FBXO47: variants seen among roughly 807,000 people sequenced by gnomAD.
FBXO47 encodes the protein F-box protein 47.
FBXO47 carries 34 observed loss-of-function variants against 53.9 expected under a neutral mutation model. The ratio of observed to expected loss-of-function variants is 0.63; its 90% confidence interval spans 0.48 to 0.84. FBXO47 has a LOEUF of 0.84. Among genes scored for constraint, FBXO47 ranks in the 40% least tolerant of loss-of-function variants. The probability of loss-of-function intolerance (pLI) is 0.00; values close to 1 mark genes in which losing one functional copy is unlikely to be tolerated. For missense variants in FBXO47, 485 were observed against 541.3 expected, an observed-to-expected ratio of 0.90 and a Z score of 1.03; for synonymous variants, 165 against 181.6, an observed-to-expected ratio of 0.91 and a Z score of 0.73.
In FBXO47 at chr17:38,957,702, T is replaced by C. The variant is rs1378345788; in HGVS notation, c.353-449A>G. 4.7e-5 allele frequency among the ~76,000 whole-genome samples: 7 copies of C among 150,274 alleles called. No individual in the cohort carries two copies. The South Asian group carries it at 1.3e-3, about 27-fold the overall frequency. ...AGAATGAGAAAACTGATTTTTCTTTTTTTTTTTTTTTTTTGAGACAAGGTC... is the reference window on the plus strand; with the variant it reads ...AGAATGAGAAAACTGATTTTTCTTTCTTTTTTTTTTTTTTGAGACAAGGTC... On this transcript the variant is annotated intron_variant, in intron 3 of 10. Coordinates refer to ENST00000378079, the MANE Select transcript of FBXO47 (RefSeq NM_001008777.3).
chr17:38,955,739 C>T (rs1905519841), intron 4 of FBXO47, among the ~76,000 whole-genome samples: 1 of 151,542 alleles, frequency 6.6e-6, no homozygotes, highest in African/African-American at 2.4e-5. Flanking sequence ...GTGGGAGGAT[C>T]ACGAGGTCAG....
intron 3 of FBXO47, among the ~76,000 whole-genome samples, chr17:38,959,542 T>G (rs1028249369): frequency 1.5e-5 from 2 of 137,458 alleles, no homozygotes; most frequent in African/African-American, 5.7e-5. Flanking sequence ...GCTGTGCCAT[T>G]GCACTCCAGT....
At chr17:38,938,776 A>G (rs770620404) in intron 9 of FBXO47, 44 bp from the exon 10 acceptor site, 15 of 1,448,646 alleles carry the variant, frequency 1.0e-5, no homozygotes, top group Non-Finnish European at 1.4e-5. Context: ...ATGTGAAGAA[A>G]GCTATAGAAT....
chr17:38,957,674 GA>G (rs1905617471), intron 3 of FBXO47, among the ~76,000 whole-genome samples: 1 of 149,868 alleles, frequency 6.7e-6, no homozygotes, highest in East Asian at 2.0e-4. Flanking sequence ...CTAAAACATG[GA>G]AAGAATGAGA....
At chr17:38,940,525 C>A (rs975086913) in intron 9 of FBXO47, among the ~76,000 whole-genome samples, 3 of 151,916 alleles carry the variant, frequency 2.0e-5, no homozygotes, top group African/African-American at 7.3e-5. Context: ...TCTAACCTCA[C>A]CTCCTGCTAC....
At chr17:38,945,951 A>G (rs1490238448) in intron 6 of FBXO47, among the ~76,000 whole-genome samples, 3 of 118,840 alleles carry the variant, frequency 2.5e-5, no homozygotes, top group Non-Finnish European at 5.3e-5. Flanking sequence ...AAAAAAAAAT[A>G]TATATATATA....
intron 6 of FBXO47, among the ~76,000 whole-genome samples, chr17:38,949,102 A>C (rs1905075978): frequency 6.6e-6 from 1 of 152,098 alleles, no homozygotes; most frequent in Admixed American, 6.6e-5. Flanking sequence ...TCTTTTGGCT[A>C]CTATGAATAA....
intron 1 of FBXO47, among the ~76,000 whole-genome samples, chr17:38,963,816 T>TG (rs55720457): frequency 2.7e-5 from 4 of 147,062 alleles, no homozygotes; most frequent in Non-Finnish European, 4.5e-5. Flanking sequence ...TTTTTTTTTT[T>TG]GTCAAGGTCT....
At position 38,936,581 on chromosome 17, in the gene FBXO47, G is replaced by C. The variant is rs1001540019; in HGVS notation, c.*594C>G. ...ACCTTAAAGAAGGAAATATATGTCT[G>C]TGTGTGTGTGTCTATATATATATAT... On this transcript the variant is annotated 3_prime_UTR_variant, in exon 11 of 11. Coordinates refer to ENST00000378079, the MANE Select transcript of FBXO47 (RefSeq NM_001008777.3). The C allele has an allele frequency of 1.4e-5, 2 of 146,926 alleles. No homozygotes were observed. Among genetic ancestry groups the C allele is most frequent in the Non-Finnish European group, 3.0e-5 (2 of 66,350 alleles). 9.1% of individuals were successfully genotyped at this position (146,926 alleles called of 1,614,324 possible).
intron 1 of FBXO47, among the ~76,000 whole-genome samples, chr17:38,963,768 T>C (rs563030598): frequency 6.6e-6 from 1 of 151,718 alleles, no homozygotes; most frequent in South Asian, 2.1e-4. Context: ...TTCTTTTCTT[T>C]GTTGGTTTTT....
Position 38,937,305 on chromosome 17 carries a change from T to C in FBXO47, c.1244-15A>G, listed in dbSNP as rs1463959515. ...ATCACGGTCTCCTATATGCCATACATAGTGGGGAAAAGAAAATGACAGTTA... is the reference window on the plus strand; with the variant it reads ...ATCACGGTCTCCTATATGCCATACACAGTGGGGAAAAGAAAATGACAGTTA... On this transcript the variant is annotated splice_polypyrimidine_tract_variant and intron_variant, in intron 10 of 10. Transcript: ENST00000378079. 4 of 1,133,364 alleles carry C rather than the reference T, an allele frequency of 3.5e-6. No homozygotes were observed. The highest frequency in any genetic ancestry group is 5.1e-6 in the Non-Finnish European group (4 of 781,986). The allele number at this position is 1,133,364 out of a possible 1,614,324, so 70.2% of individuals were successfully genotyped here. A position where few individuals can be genotyped will look rare whatever the true frequency, so the allele number is the denominator to read the frequency against.
chr17:38,962,335 G>A (rs1236415389), intron 2 of FBXO47, among the ~76,000 whole-genome samples: 3 of 152,144 alleles, frequency 2.0e-5, no homozygotes, highest in African/African-American at 7.2e-5. Context: ...TTAATTTAGG[G>A]CTAGGTGCAG....
At position 38,936,913 on chromosome 17, in the gene FBXO47, T is replaced by G. The variant is rs1371013586; in HGVS notation, c.*262A>C. On this transcript the variant is annotated 3_prime_UTR_variant, in exon 11 of 11. Coordinates refer to ENST00000378079, the MANE Select transcript of FBXO47 (RefSeq NM_001008777.3). ...GATTCTTGAACAGCTAACATTCTAT[T>G]TTGGTTTGGTGTTAGGTTGACTAAA... The G allele has an allele frequency of 3.5e-6, 1 of 289,130 alleles. No individual in the cohort carries two copies. Among genetic ancestry groups the G allele is most frequent in the African/African-American group, 2.2e-5 (1 of 45,926 alleles). 17.9% of individuals were successfully genotyped at this position (289,130 alleles called of 1,614,324 possible).
intron 1 of FBXO47, among the ~76,000 whole-genome samples, chr17:38,966,915 C>G (rs1157179528): frequency 6.6e-6 from 1 of 152,104 alleles, no homozygotes. Context: ...GCCCCCTGTT[C>G]TATCCCACTA....
At chr17:38,947,104 A>AT (rs113007407) in intron 6 of FBXO47, among the ~76,000 whole-genome samples, 2 of 93,746 alleles carry the variant, frequency 2.1e-5, no homozygotes, top group African/African-American at 5.9e-5. Flanking sequence ...ACATATATAT[A>AT]AACATATATA....
chr17:38,956,135 CAAA>C (rs765171777), intron 4 of FBXO47, among the ~76,000 whole-genome samples: 1 of 115,976 alleles, frequency 8.6e-6, no homozygotes. Context: ...GACTCCATCT[CAAA>C]AAAAAAAAAA....
intron 3 of FBXO47, among the ~76,000 whole-genome samples, chr17:38,958,115 C>T (rs1195581003): frequency 6.6e-6 from 1 of 152,094 alleles, no homozygotes; most frequent in East Asian, 1.9e-4. Context: ...AGGTGTGAAC[C>T]ACCATGCCCG....
chr17:38,947,107 CATATATATATAAACATATATATAAAT>C (rs1458414258), intron 6 of FBXO47, among the ~76,000 whole-genome samples: 3 of 90,306 alleles, frequency 3.3e-5, no homozygotes, highest in Non-Finnish European at 5.2e-5. Flanking sequence ...TATATATAAA[CATATATATATAAACATATATATAAAT>C]ATATATATAT....
rs376647632 is a variant in FBXO47, at chr17:38,942,732, T to C, written c.1083+46A>G. ...TTCAGGGCAGCTCCCTGTAGGTCAA[T>C]TGTAGTGTTAAAAAACTTGCTAGAG... On this transcript the variant is annotated intron_variant, in intron 9 of 10. Transcript: ENST00000378079. 2.1e-5 allele frequency: 33 copies of C among 1,543,346 alleles called. No homozygotes were observed. In the South Asian group the frequency reaches 2.3e-4, roughly 11 times the overall value.
Sources: allele counts gnomAD v4.1 joint callset (sites outside exome capture counted in the v4.1 genomes callset), GRCh38; gene constraint gnomAD v4.1.1; transcripts MANE v1.5; gene names NCBI Gene and HGNC (gene_info 2026-07-23, HGNC 2026-07-21).